Variants in ADAMTS12 observed in about 807,000 individuals in gnomAD.
ADAMTS12 encodes A disintegrin and metalloproteinase with thrombospondin motifs 12.
Under a neutral mutation model 167.8 loss-of-function variants are expected in ADAMTS12, and 118 were observed. The observed-to-expected ratio is 0.70, with a 90% CI of 0.61 to 0.82. ADAMTS12 has a LOEUF of 0.82. Ranked by LOEUF, ADAMTS12 falls within the 40% of genes least tolerant of loss-of-function variation. ADAMTS12 has a pLI of 0.00. For missense variants in ADAMTS12, 1,916 were observed against 1,998.8 expected (o/e 0.96, Z 0.79); for synonymous variants, 704 against 716.9 (o/e 0.98, Z 0.29).
intron 2 of ADAMTS12, among the ~76,000 whole-genome samples, chr5:33,860,328 T>A (rs555175018): frequency 2.6e-5 from 4 of 152,294 alleles, no homozygotes; most frequent in Admixed American, 2.6e-4. Context: ...AATGACCTGA[T>A]GGAGCTGAAA....
At chr5:33,863,323 C>T (rs1749691487) in intron 2 of ADAMTS12, among the ~76,000 whole-genome samples, 1 of 152,186 alleles carries the variant, frequency 6.6e-6, no homozygotes, top group Admixed American at 6.5e-5. Context: ...TTTCCTTAAG[C>T]TGATAAGCAA....
chr5:33,581,719 A>G (rs973560936), intron 18 of ADAMTS12, among the ~76,000 whole-genome samples: 1 of 152,198 alleles, frequency 6.6e-6, no homozygotes, highest in African/African-American at 2.4e-5. Flanking sequence ...CAAAAAAGAT[A>G]TGTCAAAATC....
chr5:33,546,274 G>A (rs542627835), intron 21 of ADAMTS12, 72 bp from the exon 22 acceptor site: 37 of 1,425,214 alleles, frequency 2.6e-5, no homozygotes, highest in African/African-American at 1.8e-4. Flanking sequence ...GAAGAACTTC[G>A]TACTGTCATT....
intron 2 of ADAMTS12, among the ~76,000 whole-genome samples, chr5:33,818,186 C>G (rs148334585): frequency 6.6e-6 from 1 of 152,002 alleles, no homozygotes; most frequent in Non-Finnish European, 1.5e-5. Flanking sequence ...AATTTTAGTA[C>G]TCATGTTACA....
intron 2 of ADAMTS12, among the ~76,000 whole-genome samples, chr5:33,817,743 C>T (rs146551574): frequency 9.2e-5 from 14 of 152,194 alleles, no homozygotes; most frequent in South Asian, 6.2e-4. Flanking sequence ...GCTCTTTTCA[C>T]GCCTAAAGAA....
Position 33,526,982 on chromosome 5 carries a change from TATCAGGG to T in ADAMTS12, c.*199_*205del. 1.7e-6 allele frequency: 1 copy of T among 584,062 alleles called. No homozygotes were observed. The highest frequency in any genetic ancestry group is 2.5e-5 in the South Asian group (1 of 40,548). 36.2% of individuals were successfully genotyped at this position (584,062 alleles called of 1,614,324 possible). A position where few individuals can be genotyped will look rare whatever the true frequency, so the allele number is the denominator to read the frequency against. On this transcript the variant is annotated 3_prime_UTR_variant, in exon 24 of 24. Coordinates refer to ENST00000504830, the MANE Select transcript of ADAMTS12 (RefSeq NM_030955.4). Reference sequence around the variant, plus strand: ...GATTCTCCTAGCTATTTCACCTTCCTATCAGGGAGCAGCAAGTACGGCAGCCTAGGCC... The same window carrying T: ...GATTCTCCTAGCTATTTCACCTTCCTAGCAGCAAGTACGGCAGCCTAGGCC...
chr5:33,832,090 G>A (rs548595235), intron 2 of ADAMTS12, among the ~76,000 whole-genome samples: 17 of 152,162 alleles, frequency 1.1e-4, no homozygotes, highest in Admixed American at 5.9e-4. Context: ...CAAGACTGTC[G>A]TTCATGAACC....
intron 2 of ADAMTS12, among the ~76,000 whole-genome samples, chr5:33,839,576 G>A (rs1178031970): frequency 6.6e-6 from 1 of 152,116 alleles, no homozygotes; most frequent in Non-Finnish European, 1.5e-5. Context: ...AGAGAATGAG[G>A]TCTGCGCTCC....
At chr5:33,675,956 C>T (rs1033285884) in intron 5 of ADAMTS12, among the ~76,000 whole-genome samples, 4 of 152,114 alleles carry the variant, frequency 2.6e-5, no homozygotes, top group South Asian at 2.1e-4. Flanking sequence ...AAACATTTTC[C>T]GTAAAGCATC....
chr5:33,626,178 T>C (rs775609836), intron 13 of ADAMTS12, among the ~76,000 whole-genome samples: 1 of 151,610 alleles, frequency 6.6e-6, no homozygotes, highest in Non-Finnish European at 1.5e-5. Context: ...ATGGTAGTGG[T>C]GGTAATGATG....
intron 2 of ADAMTS12, among the ~76,000 whole-genome samples, chr5:33,793,823 T>A (rs1396550902): frequency 1.3e-5 from 2 of 151,922 alleles, no homozygotes; most frequent in African/African-American, 2.4e-5. Flanking sequence ...GGCTTGAAAA[T>A]TTGCCCAAGA....
intron 14 of ADAMTS12, among the ~76,000 whole-genome samples, chr5:33,616,976 A>G (rs1739051294): frequency 6.6e-6 from 1 of 152,204 alleles, no homozygotes; most frequent in Non-Finnish European, 1.5e-5. Flanking sequence ...AATAAAATGG[A>G]AAGAACATGG....
intron 3 of ADAMTS12, among the ~76,000 whole-genome samples, chr5:33,718,357 G>A (rs73084183): frequency 0.022 from 3,330 of 152,242 alleles, 120 homozygotes; most frequent in African/African-American, 0.076. Context: ...GAACCAGGCC[G>A]CATAGCAGGA....
chr5:33,735,389 C>A (rs1744334850), intron 3 of ADAMTS12, among the ~76,000 whole-genome samples: 1 of 152,138 alleles, frequency 6.6e-6, no homozygotes, highest in South Asian at 2.1e-4. Flanking sequence ...GTTTTTATCA[C>A]TATTAAAGGG....
intron 3 of ADAMTS12, among the ~76,000 whole-genome samples, chr5:33,704,586 C>G (rs1033551129): frequency 2.0e-5 from 3 of 152,048 alleles, no homozygotes; most frequent in African/African-American, 7.2e-5. Flanking sequence ...CTTTGCATCT[C>G]CCTTATGATT....
chr5:33,774,930 T>C (rs1745864702), intron 2 of ADAMTS12, among the ~76,000 whole-genome samples: 1 of 152,216 alleles, frequency 6.6e-6, no homozygotes, highest in Non-Finnish European at 1.5e-5. Context: ...AAAATGATAC[T>C]GTGATGGTGA....
At chr5:33,545,534 T>C (rs1310367829) in intron 22 of ADAMTS12, among the ~76,000 whole-genome samples, 1 of 152,182 alleles carries the variant, frequency 6.6e-6, no homozygotes, top group Non-Finnish European at 1.5e-5. Context: ...GAATTATAAA[T>C]CATGCTACTA....
At chr5:33,726,151 T>A (rs1350399144) in intron 3 of ADAMTS12, among the ~76,000 whole-genome samples, 1 of 152,152 alleles carries the variant, frequency 6.6e-6, no homozygotes, top group Non-Finnish European at 1.5e-5. Context: ...GATCTGGGTG[T>A]CCAGGATCAC....
chr5:33,622,129 G>A (rs1270118673), intron 14 of ADAMTS12, among the ~76,000 whole-genome samples: 1 of 152,170 alleles, frequency 6.6e-6, no homozygotes, highest in Non-Finnish European at 1.5e-5. Flanking sequence ...GATCTTGGAG[G>A]CAGGAAGGGG....
Sources: gnomAD v4.1 joint callset for allele counts (sites outside exome capture counted in the v4.1 genomes callset) on GRCh38, gnomAD v4.1.1 for gene constraint, MANE v1.5 for transcripts, NCBI Gene and HGNC (gene_info 2026-07-23, HGNC 2026-07-21) for gene names.